RBFOX1: variants seen among roughly 807,000 people sequenced by gnomAD.
The protein encoded by RBFOX1 is RNA binding protein fox-1 homolog 1.
A neutral mutation model predicts 57.7 loss-of-function variants in RBFOX1; 8 were observed. That is an observed-to-expected ratio of 0.14 (90% CI 0.08 to 0.25). The LOEUF (loss-of-function observed/expected upper bound fraction) is 0.25, where lower values mean the gene tolerates loss of function less well. Among genes scored for constraint, RBFOX1 ranks in the 10% least tolerant of loss-of-function variants. The probability of loss-of-function intolerance (pLI) is 1.00; values close to 1 mark genes in which losing one functional copy is unlikely to be tolerated. For synonymous variants in RBFOX1, 326 were observed against 222.4 expected, an observed-to-expected ratio of 1.47 and a Z score of -4.15; for missense variants, 611 against 548.5, an observed-to-expected ratio of 1.11 and a Z score of -1.14.
chr16:6,006,592 C>T (rs2094928657), intron 4 of RBFOX1, among the ~76,000 whole-genome samples: 1 of 152,204 alleles, frequency 6.6e-6, no homozygotes, highest in African/African-American at 2.4e-5. Context: ...GCCAGTTTTC[C>T]TTATAATTAT....
chr16:7,471,427 G>C (rs2061536616), intron 4 of RBFOX1, among the ~76,000 whole-genome samples: 1 of 152,064 alleles, frequency 6.6e-6, no homozygotes, highest in Admixed American at 6.5e-5. Context: ...CCCAAAGTTT[G>C]CACCACCTGA....
At chr16:6,238,990 TATTC>T (rs1376929269) in intron 1 of RBFOX1, among the ~76,000 whole-genome samples, 1 of 152,192 alleles carries the variant, frequency 6.6e-6, no homozygotes, top group African/African-American at 2.4e-5. Context: ...TAGTAGGTCT[TATTC>T]ATTCTTTCTT....
At chr16:7,251,080 C>G (rs967883138) in intron 4 of RBFOX1, among the ~76,000 whole-genome samples, 2 of 152,108 alleles carry the variant, frequency 1.3e-5, no homozygotes, top group African/African-American at 4.8e-5. Flanking sequence ...ACTATAGTCA[C>G]CATGTTAAAC....
chr16:5,300,741 A>G (rs746863954), intron 1 of RBFOX1, among the ~76,000 whole-genome samples: 5 of 152,120 alleles, frequency 3.3e-5, no homozygotes, highest in Admixed American at 1.3e-4. Flanking sequence ...ACTTTGTGGT[A>G]CTTTGTTCCT....
rs111669062 is a variant in RBFOX1 at position 5,282,498 on chromosome 16, A to G, written c.219+42393A>G. On this transcript the variant is annotated intron_variant, in intron 1 of 2. Coordinates refer to the RBFOX1 transcript ENST00000585867. ...TTTGGAAGAAATTTCCTAGAGCCCA[A>G]AATGCTGATAGTTATATGGACAATA... 5.4e-3 allele frequency among the ~76,000 whole-genome samples: 819 copies of G among 152,342 alleles called. 10 individuals are homozygous for G. Among genetic ancestry groups the G allele is most frequent in the Non-Finnish European group, 8.5e-3 (578 of 68,036 alleles).
At chr16:5,999,666 T>C (rs190197533) in intron 4 of RBFOX1, among the ~76,000 whole-genome samples, 3 of 151,418 alleles carry the variant, frequency 2.0e-5, no homozygotes, top group African/African-American at 4.8e-5. Flanking sequence ...TCGAGACCAT[T>C]CTGGCTAACA....
At chr16:6,697,219 C>T (rs1341792124) in intron 3 of RBFOX1, among the ~76,000 whole-genome samples, 1 of 152,120 alleles carries the variant, frequency 6.6e-6, no homozygotes, top group Non-Finnish European at 1.5e-5. Flanking sequence ...ATAGTGGTCA[C>T]TGTAGTGGTA....
At chr16:7,579,442 C>G (rs781410642) in intron 5 of RBFOX1, among the ~76,000 whole-genome samples, 1 of 152,074 alleles carries the variant, frequency 6.6e-6, no homozygotes, top group African/African-American at 2.4e-5. Context: ...AGTCCCCTTC[C>G]TTTGCTTTTT....
At chr16:7,469,043 C>T (rs547908820) in intron 4 of RBFOX1, among the ~76,000 whole-genome samples, 3 of 152,124 alleles carry the variant, frequency 2.0e-5, no homozygotes, top group Admixed American at 6.5e-5. Flanking sequence ...ACACCATTTT[C>T]CTGCCTCAGC....
intron 2 of RBFOX1, among the ~76,000 whole-genome samples, chr16:6,453,972 G>C (rs1001334844): frequency 6.6e-6 from 1 of 152,196 alleles, no homozygotes; most frequent in Non-Finnish European, 1.5e-5. Context: ...AATCCAAGGC[G>C]TTGGCATGGT....
chr16:5,670,828 C>T (rs2049993909), intron 3 of RBFOX1, among the ~76,000 whole-genome samples: 1 of 152,216 alleles, frequency 6.6e-6, no homozygotes, highest in Non-Finnish European at 1.5e-5. Context: ...CTGACTGTCT[C>T]CTAGCATCTC....
chr16:5,559,677 C>T (rs1052154827), intron 2 of RBFOX1, among the ~76,000 whole-genome samples: 2 of 152,180 alleles, frequency 1.3e-5, no homozygotes, highest in African/African-American at 4.8e-5. Context: ...CCTCTTTCCC[C>T]TTGGAATGTA....
intron 4 of RBFOX1, among the ~76,000 whole-genome samples, chr16:7,282,719 C>A (rs894527135): frequency 3.3e-5 from 5 of 152,134 alleles, no homozygotes; most frequent in Non-Finnish European, 7.3e-5. Context: ...TAGGCTTTTA[C>A]CCCTCACCTC....
intron 3 of RBFOX1, among the ~76,000 whole-genome samples, chr16:6,791,426 C>A (rs1190610728): frequency 1.3e-5 from 2 of 152,064 alleles, no homozygotes; most frequent in East Asian, 1.9e-4. Flanking sequence ...AGTTCAGGGC[C>A]CCTTCCTAAA....
At chr16:6,401,165 C>T (rs1401862494) in intron 2 of RBFOX1, among the ~76,000 whole-genome samples, 1 of 151,936 alleles carries the variant, frequency 6.6e-6, no homozygotes, top group Non-Finnish European at 1.5e-5. Flanking sequence ...TTCTTTTTGC[C>T]AGAAAGTCAG....
intron 2 of RBFOX1, among the ~76,000 whole-genome samples, chr16:6,604,051 A>C (rs1487201256): frequency 1.3e-5 from 2 of 151,866 alleles, no homozygotes; most frequent in Non-Finnish European, 2.9e-5. Context: ...GGGGACTTTG[A>C]AGGTTTGCCT....
At chr16:7,002,072 G>A (rs561249090) in intron 3 of RBFOX1, among the ~76,000 whole-genome samples, 1 of 151,906 alleles carries the variant, frequency 6.6e-6, no homozygotes. Flanking sequence ...GATTCCTGGG[G>A]GACTTTGCTC....
intron 4 of RBFOX1, among the ~76,000 whole-genome samples, chr16:7,499,839 A>G (rs572529757): frequency 4.7e-4 from 72 of 152,168 alleles, no homozygotes; most frequent in African/African-American, 1.7e-3. Context: ...ACAATATCCT[A>G]AGTTGCACAC....
At chr16:7,419,151 A>G (rs1300011835) in intron 4 of RBFOX1, among the ~76,000 whole-genome samples, 4 of 152,002 alleles carry the variant, frequency 2.6e-5, no homozygotes, top group African/African-American at 9.7e-5. Context: ...CAAGCAGTTC[A>G]CCCACCGTGG....
Sources: gnomAD v4.1 joint callset for allele counts (sites outside exome capture counted in the v4.1 genomes callset) on GRCh38, gnomAD v4.1.1 for gene constraint, MANE v1.5 for transcripts, NCBI Gene and HGNC (gene_info 2026-07-23, HGNC 2026-07-21) for gene names.